Variants in DNAH9 observed in about 807,000 individuals in gnomAD.
The protein encoded by DNAH9 is DNAH9 variant protein.
A neutral mutation model predicts 471.6 loss-of-function variants in DNAH9; 345 were observed. The observed-to-expected ratio is 0.73, with a 90% confidence interval of 0.67 to 0.80. DNAH9 has a LOEUF of 0.80. DNAH9 is among the 30% of genes least tolerant of loss of function. The pLI, the probability that DNAH9 is intolerant of heterozygous loss-of-function variation, is 0.00. For missense variants in DNAH9, 5,407 were observed against 5,609.2 expected, an observed-to-expected ratio of 0.96 and a Z score of 1.15; for synonymous variants, 2,093 against 2,123.6, an observed-to-expected ratio of 0.99 and a Z score of 0.40.
At position 11,923,804 on chromosome 17, in the gene DNAH9, C is replaced by T; in HGVS notation, c.11750-10C>T. ...AAGAAATAATAATGACGCCTCCATC[C>T]TCCTTTTAGGAAGAAAACTTGGATA... On this transcript the variant is annotated splice_polypyrimidine_tract_variant and intron_variant, in intron 61 of 68. Transcript: ENST00000262442. The T allele has an allele frequency of 6.2e-7, 1 of 1,613,214 alleles. No individual in the cohort carries two copies.
In DNAH9 at chr17:11,784,617, C is replaced by T. The variant is rs16945342; in HGVS notation, c.8061+78C>T. 15,512 of 1,592,170 alleles carry T rather than the reference C, an allele frequency of 9.7e-3. 1,242 individuals carry two copies. The African/African-American group carries it at 0.18, about 18-fold the overall frequency. ...TCCGATTCTTCATAAAAATAAGTAG[C>T]TAATGCCCAGCTCATAGGCACAGGC... On this transcript the variant is annotated intron_variant, in intron 41 of 68. Coordinates refer to ENST00000262442, the MANE Select transcript of DNAH9 (RefSeq NM_001372.4).
intron 67 of DNAH9, among the ~76,000 whole-genome samples, chr17:11,947,224 G>A (rs1246399733): frequency 6.6e-6 from 1 of 152,194 alleles, no homozygotes; most frequent in Non-Finnish European, 1.5e-5. Flanking sequence ...CTGACTGGAA[G>A]GGGTATTGAC....
intron 66 of DNAH9, among the ~76,000 whole-genome samples, chr17:11,938,008 G>A (rs1443322286): frequency 2.6e-5 from 4 of 152,162 alleles, no homozygotes; most frequent in Admixed American, 6.5e-5. Context: ...CTTCTAGTCC[G>A]AGAGTCTCTA....
At chr17:11,766,442 A>C (rs2150873523) in intron 36 of DNAH9, among the ~76,000 whole-genome samples, 1 of 152,236 alleles carries the variant, frequency 6.6e-6, no homozygotes, top group South Asian at 2.1e-4. Flanking sequence ...GTTTCATAAA[A>C]CCCCCACTTT....
intron 25 of DNAH9, 112 bp downstream of exon 25, chr17:11,704,554 T>TG: frequency 1.0e-6 from 1 of 962,420 alleles, no homozygotes; most frequent in Non-Finnish European, 1.5e-6. Flanking sequence ...ACCAGACAGC[T>TG]GGGGGAGGAT....
chr17:11,967,984 C>A (rs1976883267), intron 68 of DNAH9, among the ~76,000 whole-genome samples: 1 of 152,032 alleles, frequency 6.6e-6, no homozygotes, highest in African/African-American at 2.4e-5. Context: ...AAAACAGAAA[C>A]TGACAGAATT....
At chr17:11,662,077 A>G (rs1402028749) in intron 14 of DNAH9, among the ~76,000 whole-genome samples, 2 of 152,126 alleles carry the variant, frequency 1.3e-5, no homozygotes, top group African/African-American at 4.8e-5. Flanking sequence ...GGACAGTTTC[A>G]TTTGGTACAC....
intron 49 of DNAH9, among the ~76,000 whole-genome samples, chr17:11,841,457 C>T (rs1039740338): frequency 3.3e-5 from 5 of 152,142 alleles, no homozygotes; most frequent in Non-Finnish European, 5.9e-5. Flanking sequence ...CAGCCATTCA[C>T]ACGTGAGAGG....
At chr17:11,656,411 G>A (rs1313202224) in intron 14 of DNAH9, among the ~76,000 whole-genome samples, 1 of 152,032 alleles carries the variant, frequency 6.6e-6, no homozygotes, top group Non-Finnish European at 1.5e-5. Context: ...TGATGGGATT[G>A]TTTGTTCTTT....
At chr17:11,681,235 G>A (rs931445042) in intron 19 of DNAH9, among the ~76,000 whole-genome samples, 1 of 152,142 alleles carries the variant, frequency 6.6e-6, no homozygotes, top group Non-Finnish European at 1.5e-5. Context: ...TGTTCTTTTG[G>A]TTTTAAAAAG....
chr17:11,758,535 A>T (rs1397674459), intron 35 of DNAH9, among the ~76,000 whole-genome samples: 1 of 152,168 alleles, frequency 6.6e-6, no homozygotes, highest in Non-Finnish European at 1.5e-5. Context: ...TTTCCCGGAA[A>T]CTAAAGTCCA....
At chr17:11,746,034 T>C (rs905497211) in intron 31 of DNAH9, among the ~76,000 whole-genome samples, 3 of 152,170 alleles carry the variant, frequency 2.0e-5, no homozygotes, top group East Asian at 1.9e-4. Flanking sequence ...TGTATCCACA[T>C]TGGAAAGACA....
At chr17:11,784,642 C>A in intron 41 of DNAH9, 103 bp downstream of exon 41, 1 of 1,504,100 alleles carries the variant, frequency 6.6e-7, no homozygotes, top group Admixed American at 1.7e-5. Flanking sequence ...TAGGCACAGG[C>A]AAAGCCACTG....
At chr17:11,956,199 T>C (rs753135538) in intron 67 of DNAH9, among the ~76,000 whole-genome samples, 6 of 152,178 alleles carry the variant, frequency 3.9e-5, no homozygotes, top group Admixed American at 6.5e-5. Context: ...GTAGAGGCTA[T>C]ATAAAAATCA....
At chr17:11,781,640 TG>T (rs1968669353) in intron 39 of DNAH9, among the ~76,000 whole-genome samples, 1 of 152,004 alleles carries the variant, frequency 6.6e-6, no homozygotes, top group Non-Finnish European at 1.5e-5. Flanking sequence ...GAGACCAGCC[TG>T]GCCAACATGG....
Position 11,669,157 on chromosome 17 carries a change from AG to A in DNAH9, c.2831del (p.Gly944ValfsTer56). 1.9e-6 allele frequency: 3 copies of A among 1,613,764 alleles called. No homozygotes were observed. Among genetic ancestry groups the A allele is most frequent in the Non-Finnish European group, 2.5e-6 (3 of 1,179,728 alleles). On this transcript the variant is annotated frameshift_variant, in exon 16 of 69. Transcript: ENST00000262442. LOFTEE classifies it high-confidence loss of function. The part of the protein sequence containing the change: ...VFYPSLESGV[K>X]GGFCDIVEGL... ...TATCCGTCTCTGGAGTCTGGAGTGA[AG>A]GGGGGTTTCTGTGACATTGTTGAGG...
chr17:11,730,427 G>T lies in DNAH9; in HGVS notation c.5814+2505G>T, dbSNP rs139611457. ...AGCTGAGTGTTGCCAGATCTTTTAC[G>T]TTTTAAAGAGAGACCGGACATCCAG... On this transcript the variant is annotated intron_variant, in intron 28 of 68. Transcript: ENST00000262442. 2.6e-5 allele frequency among the ~76,000 whole-genome samples: 4 copies of T among 152,142 alleles called. No individual in the cohort carries two copies. The East Asian group carries it at 5.8e-4, about 22-fold the overall frequency.
At chr17:11,684,654 C>T (rs1268185902) in intron 19 of DNAH9, among the ~76,000 whole-genome samples, 1 of 152,150 alleles carries the variant, frequency 6.6e-6, no homozygotes. Context: ...AAATAATCTA[C>T]CTCTGTGAGC....
intron 6 of DNAH9, among the ~76,000 whole-genome samples, chr17:11,622,372 C>G (rs956208198): frequency 3.3e-5 from 5 of 152,130 alleles, no homozygotes; most frequent in Admixed American, 2.6e-4. Context: ...GCCTCTTTTT[C>G]CCTCAGCCGT....
Sources: gnomAD v4.1 joint callset for allele counts (sites outside exome capture counted in the v4.1 genomes callset) on GRCh38, gnomAD v4.1.1 for gene constraint, MANE v1.5 for transcripts, NCBI Gene and HGNC (gene_info 2026-07-23, HGNC 2026-07-21) for gene names.